Variants in UGT1A8 observed in about 807,000 individuals in gnomAD.
The protein encoded by UGT1A8 is UDP glucuronosyltransferase family 1 member A8.
Under a neutral mutation model 45.3 loss-of-function variants are expected in UGT1A8, and 39 were observed. That is an observed-to-expected ratio of 0.86 (90% CI 0.67 to 1.12). The LOEUF is 1.12. Among genes scored for constraint, UGT1A8 ranks in the 50% most tolerant of loss-of-function variants. The pLI is 0.00. For missense variants in UGT1A8, 719 were observed against 664.9 expected (o/e 1.08, Z -0.90); for synonymous variants, 275 against 249.2 (o/e 1.10, Z -0.97).
rs373771428 is a variant in UGT1A8 at position 233,743,798 on chromosome 2, T to A, written c.856-23236T>A. The A allele has an allele frequency of 5.3e-5, 73 of 1,367,294 alleles. No homozygotes were observed. The East Asian group carries it at 1.4e-3, about 26-fold the overall frequency. 84.7% of individuals were successfully genotyped at this position (1,367,294 alleles called of 1,614,324 possible). A position where few individuals can be genotyped will look rare whatever the true frequency, so the allele number is the denominator to read the frequency against. On this transcript the variant is annotated intron_variant, in intron 1 of 4. Transcript: ENST00000373450. ...CTGCTTGAATCTCCTCTCCGCTTCC[T>A]CCTTGTTCTCAGGGTTTTTGTCGGG...
At chr2:233,684,625 A>C (rs2074688730) in intron 1 of UGT1A8, among the ~76,000 whole-genome samples, 1 of 152,192 alleles carries the variant, frequency 6.6e-6, no homozygotes, top group African/African-American at 2.4e-5. Context: ...GTATATCTTC[A>C]GTGGTGTATA....
rs561148269 is a variant in UGT1A8 at position 233,758,341 on chromosome 2, T to A, written c.856-8693T>A. The stretch of plus-strand genomic sequence containing the variant: ...GCAGCCTCAAAAAGCTTGGAAGCTC[T>A]GCATGATGCAGGAAAGTCATAAAAT... On this transcript the variant is annotated intron_variant, in intron 1 of 4. Coordinates refer to ENST00000373450, the MANE Select transcript of UGT1A8 (RefSeq NM_019076.5). Among the ~76,000 whole-genome samples the A allele has an allele frequency of 3.3e-5, 5 of 152,358 alleles. No homozygotes were observed. In the South Asian group the frequency reaches 8.3e-4, roughly 25 times the overall value.
chr2:233,743,841 G>A (rs768671945), intron 1 of UGT1A8: 2 of 1,367,168 alleles, frequency 1.5e-6, no homozygotes, highest in Admixed American at 3.8e-5. Flanking sequence ...TTGAGCGCCA[G>A]CTTGCGGTAC....
chr2:233,748,198 C>G, intron 1 of UGT1A8: 1 of 1,535,946 alleles, frequency 6.5e-7, no homozygotes, highest in Non-Finnish European at 8.8e-7. Flanking sequence ...TTCTGCTTGT[C>G]GTAATAGCCT....
At chr2:233,734,469 G>A (rs2078529188) in intron 1 of UGT1A8, among the ~76,000 whole-genome samples, 1 of 149,640 alleles carries the variant, frequency 6.7e-6, no homozygotes, top group Non-Finnish European at 1.5e-5. Flanking sequence ...TCCATCTCCT[G>A]GATTCATTGA....
intron 1 of UGT1A8, among the ~76,000 whole-genome samples, chr2:233,727,353 T>A (rs2077608384): frequency 6.6e-6 from 1 of 152,150 alleles, no homozygotes; most frequent in Non-Finnish European, 1.5e-5. Flanking sequence ...AGTTCTGCTA[T>A]CCTTAGGGCC....
chr2:233,685,218 A>G (rs1199330018), intron 1 of UGT1A8, among the ~76,000 whole-genome samples: 5 of 152,164 alleles, frequency 3.3e-5, no homozygotes, highest in African/African-American at 4.8e-5. Context: ...TTTTTAATAG[A>G]GACGGGGTTT....
At chr2:233,718,552 G>C (rs536854799) in intron 1 of UGT1A8, among the ~76,000 whole-genome samples, 10 of 152,348 alleles carry the variant, frequency 6.6e-5, no homozygotes, top group Admixed American at 2.6e-4. Context: ...GAATGAGAAA[G>C]AAGAGCTTGA....
chr2:233,658,388 A>G (rs1490323278), intron 1 of UGT1A8, among the ~76,000 whole-genome samples: 1 of 152,218 alleles, frequency 6.6e-6, no homozygotes, highest in Non-Finnish European at 1.5e-5. Context: ...TTGATACATT[A>G]TGATGAACTA....
intron 1 of UGT1A8, among the ~76,000 whole-genome samples, chr2:233,660,523 G>A (rs17863772): frequency 0.012 from 1,866 of 152,276 alleles, 16 homozygotes; most frequent in Admixed American, 0.02. Context: ...TGGAAAAAGT[G>A]TTTCTGTTGT....
intron 1 of UGT1A8, among the ~76,000 whole-genome samples, chr2:233,753,821 G>A (rs1406442938): frequency 6.6e-6 from 1 of 152,104 alleles, no homozygotes; most frequent in African/African-American, 2.4e-5. Flanking sequence ...ACCACGTTAG[G>A]GCTGAAGACA....
At chr2:233,720,018 G>C (rs2076822730) in intron 1 of UGT1A8, among the ~76,000 whole-genome samples, 1 of 152,130 alleles carries the variant, frequency 6.6e-6, no homozygotes, top group Middle Eastern at 3.2e-3. Flanking sequence ...ATCCATCCTG[G>C]GGTTTTTGCT....
At chr2:233,750,935 G>GCC (rs1240414460) in intron 1 of UGT1A8, among the ~76,000 whole-genome samples, 5 of 151,828 alleles carry the variant, frequency 3.3e-5, no homozygotes, top group Non-Finnish European at 7.3e-5. Flanking sequence ...TGAGGTTGGA[G>GCC]CCCCCACACA....
intron 1 of UGT1A8, among the ~76,000 whole-genome samples, chr2:233,700,136 T>A (rs2075545900): frequency 1.3e-5 from 2 of 152,152 alleles, no homozygotes; most frequent in Admixed American, 1.3e-4. Flanking sequence ...TCTGAGCTGT[T>A]TGTCTCCCTA....
chr2:233,672,403 G>A (rs2074225648), intron 1 of UGT1A8: 1 of 1,613,980 alleles, frequency 6.2e-7, no homozygotes, highest in East Asian at 2.2e-5. Flanking sequence ...TGGCTTAATT[G>A]TTGCCAAATA....
intron 1 of UGT1A8, among the ~76,000 whole-genome samples, chr2:233,684,871 T>C (rs1457596293): frequency 6.6e-6 from 1 of 152,308 alleles, no homozygotes; most frequent in African/African-American, 2.4e-5. Flanking sequence ...TTGTTTCATA[T>C]GGGCAGGGTG....
intron 1 of UGT1A8, among the ~76,000 whole-genome samples, chr2:233,732,279 A>C (rs2078256222): frequency 6.6e-6 from 1 of 152,052 alleles, no homozygotes; most frequent in East Asian, 1.9e-4. Context: ...TGCTGTGGAG[A>C]AGCTCTTTAG....
chr2:233,700,370 G>A (rs947841923), intron 1 of UGT1A8, among the ~76,000 whole-genome samples: 2 of 152,050 alleles, frequency 1.3e-5, no homozygotes, highest in African/African-American at 2.4e-5. Context: ...TGATTATCTG[G>A]GGCATTTCCA....
At chr2:233,768,582 CTTT>C (rs139595073) in intron 4 of UGT1A8, 143 bp downstream of exon 4, 59,155 of 999,984 alleles carry the variant, frequency 0.059, 10 homozygotes, top group East Asian at 0.12. Flanking sequence ...TTTATTTCTT[CTTT>C]TTTTTTTTTT....
Sources: gnomAD v4.1 joint callset for allele counts (sites outside exome capture counted in the v4.1 genomes callset) on GRCh38, gnomAD v4.1.1 for gene constraint, MANE v1.5 for transcripts, NCBI Gene and HGNC (gene_info 2026-07-23, HGNC 2026-07-21) for gene names.